The following TXNRD1 variants were observed in gnomAD, a reference collection of about 807,000 sequenced individuals.
TXNRD1 encodes the protein thioredoxin reductase 1, also known as thioredoxin reductase 1, cytoplasmic.
A neutral mutation model predicts 80.3 loss-of-function variants in TXNRD1; 57 were observed. The observed-to-expected ratio is 0.71, with a 90% confidence interval of 0.57 to 0.89. TXNRD1 has a LOEUF of 0.89. TXNRD1 is among the 40% of genes least tolerant of loss of function. TXNRD1 has a pLI of 0.00. For missense variants in TXNRD1, 730 were observed against 803.0 expected, an observed-to-expected ratio of 0.91 and a Z score of 1.10; for synonymous variants, 291 against 285.2, an observed-to-expected ratio of 1.02 and a Z score of -0.20.
chr12:104,225,968 G>A (rs767803248), intron 1 of TXNRD1, among the ~76,000 whole-genome samples: 13 of 152,172 alleles, frequency 8.5e-5, no homozygotes, highest in Non-Finnish European at 1.6e-4. Context: ...GGGAGGCCAA[G>A]GTGGGCGGAT....
At chr12:104,322,091 A>G (rs1172646950) in intron 10 of TXNRD1, among the ~76,000 whole-genome samples, 1 of 151,626 alleles carries the variant, frequency 6.6e-6, no homozygotes, top group Non-Finnish European at 1.5e-5. Context: ...GAACTTTGGG[A>G]TCAGAATGAC....
At chr12:104,305,373 CT>C (rs1178208329) in intron 4 of TXNRD1, among the ~76,000 whole-genome samples, 2 of 151,020 alleles carry the variant, frequency 1.3e-5, no homozygotes, top group Admixed American at 1.3e-4. Flanking sequence ...AAAAAAAAAC[CT>C]GTCTGTAAGG....
rs2034076534 is a variant in TXNRD1 at position 104,288,935 on chromosome 12, C to T, written c.309C>T (p.Asp103=). The part of the protein sequence containing the change: ...YFVLELDQTE[D]GRALEGTLSE... ...CTCTGCTTTTGTGCCACACAGAGGA[C>T]GGTCGGGCCCTGGAAGGAACGCTCT... Residue 103 remains aspartate, a synonymous_variant, in exon 4 of 17, where the codon GAC becomes GAT. Transcript: ENST00000525566. The T allele has an allele frequency of 6.2e-7, 1 of 1,613,900 alleles. No homozygotes were observed. The highest frequency in any genetic ancestry group is 1.3e-5 in the African/African-American group (1 of 74,942).
chr12:104,325,372 C>CA lies in TXNRD1; in HGVS notation c.1252dup (p.Arg418LysfsTer9). The CA allele has an allele frequency of 6.2e-7, 1 of 1,613,446 alleles. No individual in the cohort carries two copies. The highest frequency in any genetic ancestry group is 8.5e-7 in the Non-Finnish European group (1 of 1,179,680). ...TTGAAGCAGGGACACCAGGCCGACT[C>CA]AGAGTAGTAGCTCAGTCCACCAATA... is the stretch of plus-strand genomic sequence containing the variant. On this transcript the variant is annotated frameshift_variant, in exon 11 of 17. Coordinates refer to ENST00000525566, the MANE Select transcript of TXNRD1 (RefSeq NM_001093771.3). LOFTEE classifies it high-confidence loss of function.
chr12:104,334,197 T>C, intron 14 of TXNRD1, 40 bp from the exon 15 acceptor site: 2 of 1,127,152 alleles, frequency 1.8e-6, no homozygotes, highest in South Asian at 3.3e-5. Context: ...ACTTAATGTT[T>C]AAAATAATGG....
At chr12:104,280,435 T>TAA (rs1226966491) in intron 3 of TXNRD1, 1 of 152,328 alleles carries the variant, frequency 6.6e-6, no homozygotes, top group Non-Finnish European at 1.5e-5. Flanking sequence ...TTTCCCCTTT[T>TAA]GCAGTTTGAG....
At chr12:104,335,546 ACT>A (rs1430724492) in intron 15 of TXNRD1, among the ~76,000 whole-genome samples, 16 of 152,066 alleles carry the variant, frequency 1.1e-4, no homozygotes, top group African/African-American at 3.4e-4. Flanking sequence ...CTGTGAGCAA[ACT>A]CTATACCTCA....
At chr12:104,311,554 TG>T in intron 5 of TXNRD1, 142 bp downstream of exon 5, 1 of 1,091,756 alleles carries the variant, frequency 9.2e-7, no homozygotes, top group African/African-American at 1.6e-5. Flanking sequence ...GGGCAGGACA[TG>T]GACATCGTAA....
At chr12:104,293,832 AT>A (rs1565882577) in intron 4 of TXNRD1, among the ~76,000 whole-genome samples, 1 of 152,156 alleles carries the variant, frequency 6.6e-6, no homozygotes, top group African/African-American at 2.4e-5. Flanking sequence ...GGGCTGCACT[AT>A]TATTTATTGG....
chr12:104,334,201 AT>A, intron 14 of TXNRD1, 35 bp from the exon 15 acceptor site: 1 of 1,162,196 alleles, frequency 8.6e-7, no homozygotes, highest in Non-Finnish European at 1.2e-6. Flanking sequence ...AATGTTTAAA[AT>A]AATGGGTCTA....
At chr12:104,303,799 C>G in intron 4 of TXNRD1, 9 of 1,363,204 alleles carry the variant, frequency 6.6e-6, no homozygotes, top group Non-Finnish European at 8.7e-6. Flanking sequence ...GGGCCGTTAC[C>G]TCAGAGATAC....
intron 4 of TXNRD1, chr12:104,304,097 C>T (rs940337361): frequency 1.2e-6 from 2 of 1,613,982 alleles, no homozygotes; most frequent in Admixed American, 1.7e-5. Flanking sequence ...GCGGCAGAAC[C>T]GGGAGGACAT....
chr12:104,219,383 A>G (rs1260329934), intron 1 of TXNRD1, among the ~76,000 whole-genome samples: 1 of 152,240 alleles, frequency 6.6e-6, no homozygotes. Flanking sequence ...TTAATGATGC[A>G]GAAGGTTTTG....
chr12:104,304,257 A>G, intron 4 of TXNRD1: 2 of 1,613,946 alleles, frequency 1.2e-6, no homozygotes, highest in Non-Finnish European at 1.7e-6. Flanking sequence ...AAGCAGTTAA[A>G]CTCAGATATG....
chr12:104,222,969 G>A (rs1187506674), intron 1 of TXNRD1, among the ~76,000 whole-genome samples: 6 of 152,226 alleles, frequency 3.9e-5, no homozygotes, highest in Admixed American at 2.0e-4. Flanking sequence ...GTCAAGTACA[G>A]ATACACTCTC....
chr12:104,271,595 C>T (rs1390693952), intron 3 of TXNRD1, among the ~76,000 whole-genome samples: 2 of 152,116 alleles, frequency 1.3e-5, no homozygotes, highest in East Asian at 1.9e-4. Flanking sequence ...TTACAAAGAA[C>T]CTTCTTAAGG....
chr12:104,318,101 A>G (rs2035394177), intron 7 of TXNRD1, among the ~76,000 whole-genome samples: 1 of 152,246 alleles, frequency 6.6e-6, no homozygotes, highest in Non-Finnish European at 1.5e-5. Flanking sequence ...GTGAGCCCAG[A>G]TTGAGCCACT....
At position 104,319,558 on chromosome 12, in the gene TXNRD1, C is replaced by A; in HGVS notation, c.962C>A (p.Pro321His). Residue 321 changes from proline to histidine, a missense_variant, in exon 9 of 17, where the codon CCT (proline) becomes CAT (histidine). Transcript: ENST00000525566. ...GAAAGACCACGTTACTTGGGCATCC[C>A]TGGTGACAAAGAATACTGCATCAGC... is the stretch of plus-strand genomic sequence containing the variant. The part of the protein sequence containing the change: ...TGERPRYLGI[P>H]GDKEYCISSD... 6.2e-7 allele frequency: 1 copy of A among 1,604,148 alleles called. No individual in the cohort carries two copies. The highest frequency in any genetic ancestry group is 1.1e-5 in the South Asian group (1 of 88,688).
Position 104,261,312 on chromosome 12 carries a change from C to T in TXNRD1, c.304+3233C>T, listed in dbSNP as rs1020115143. Among the ~76,000 whole-genome samples the T allele has an allele frequency of 5.9e-5, 9 of 152,122 alleles. No individual in the cohort carries two copies. The East Asian group carries it at 1.5e-3, about 26-fold the overall frequency. The stretch of plus-strand genomic sequence containing the variant: ...CAGAGTAGCTGGGATCACAGGCATG[C>T]GCCACCACGGCCAATTTATTTTGTA... On this transcript the variant is annotated intron_variant, in intron 3 of 16. Coordinates refer to ENST00000525566, the MANE Select transcript of TXNRD1 (RefSeq NM_001093771.3).
Sources: gnomAD v4.1 joint callset for allele counts (sites outside exome capture counted in the v4.1 genomes callset) on GRCh38, gnomAD v4.1.1 for gene constraint, MANE v1.5 for transcripts, NCBI Gene and HGNC (gene_info 2026-07-23, HGNC 2026-07-21) for gene names.